The following STK24 variants were observed in gnomAD, a reference collection of about 807,000 sequenced individuals.
The protein encoded by STK24 is serine/threonine-protein kinase 24.
Under a neutral mutation model 55.6 loss-of-function variants are expected in STK24, and 21 were observed. The observed-to-expected ratio is 0.38, with a 90% CI of 0.27 to 0.54. The LOEUF is 0.54. Ranked by LOEUF, STK24 falls within the 20% of genes least tolerant of loss-of-function variation. STK24 has a pLI of 0.79. For synonymous variants in STK24, 200 were observed against 215.2 expected, an observed-to-expected ratio of 0.93 and a Z score of 0.62; for missense variants, 383 against 538.4, an observed-to-expected ratio of 0.71 and a Z score of 2.86.
At chr13:98,522,619 C>T (rs1231841471) in intron 1 of STK24, among the ~76,000 whole-genome samples, 1 of 152,194 alleles carries the variant, frequency 6.6e-6, no homozygotes, top group African/African-American at 2.4e-5. Context: ...AACATGTGTG[C>T]ACGGAATTTG....
chr13:98,499,766 C>T (rs1263804294), intron 2 of STK24, among the ~76,000 whole-genome samples: 1 of 152,230 alleles, frequency 6.6e-6, no homozygotes, highest in African/African-American at 2.4e-5. Context: ...CTGCCCAAAG[C>T]TGAGGGCAGA....
chr13:98,475,173 T>G, intron 4 of STK24, 77 bp downstream of exon 4: 1 of 1,442,068 alleles, frequency 6.9e-7, no homozygotes, highest in Non-Finnish European at 9.5e-7. Context: ...CGCCAGCACC[T>G]TCCCTTGAGA....
chr13:98,464,704 C>G (rs1006199841), intron 6 of STK24, among the ~76,000 whole-genome samples: 2 of 151,772 alleles, frequency 1.3e-5, no homozygotes, highest in African/African-American at 2.4e-5. Flanking sequence ...ACCATGTTAG[C>G]CAGGCTGGTC....
At chr13:98,575,478 G>A (rs1403304624) in intron 1 of STK24, among the ~76,000 whole-genome samples, 1 of 151,726 alleles carries the variant, frequency 6.6e-6, no homozygotes, top group African/African-American at 2.4e-5. Context: ...CATTAAAGTG[G>A]TAACTTTGAG....
At chr13:98,478,354 A>G (rs1417798566) in intron 3 of STK24, among the ~76,000 whole-genome samples, 1 of 152,216 alleles carries the variant, frequency 6.6e-6, no homozygotes, top group Non-Finnish European at 1.5e-5. Context: ...AAGAAACCAC[A>G]TTTCCCAGAC....
chr13:98,466,834 G>A (rs1450224026), intron 5 of STK24, among the ~76,000 whole-genome samples: 1 of 152,044 alleles, frequency 6.6e-6, no homozygotes, highest in Non-Finnish European at 1.5e-5. Context: ...ATTCCCCGTG[G>A]AGTCCCGGGG....
chr13:98,474,658 C>CA (rs1894295345), intron 5 of STK24, among the ~76,000 whole-genome samples, 163 bp downstream of exon 5: 3 of 152,172 alleles, frequency 2.0e-5, no homozygotes, highest in African/African-American at 7.2e-5. Flanking sequence ...CAGCAGGAGA[C>CA]AGAGGAGAAA....
At chr13:98,500,325 G>A (rs1316052182) in intron 2 of STK24, among the ~76,000 whole-genome samples, 1 of 152,140 alleles carries the variant, frequency 6.6e-6, no homozygotes, top group Non-Finnish European at 1.5e-5. Flanking sequence ...CGTTTCCTAA[G>A]GCCTCATCTT....
intron 1 of STK24, among the ~76,000 whole-genome samples, chr13:98,522,822 T>C (rs1896310171): frequency 6.6e-6 from 1 of 152,216 alleles, no homozygotes; most frequent in Admixed American, 6.5e-5. Context: ...AGACTCACCC[T>C]GGCTCGAACA....
chr13:98,517,167 A>G (rs1448698387), intron 2 of STK24, among the ~76,000 whole-genome samples: 2 of 152,234 alleles, frequency 1.3e-5, no homozygotes, highest in African/African-American at 4.8e-5. Flanking sequence ...CCTTTGCCAA[A>G]ACCATCATAA....
At chr13:98,536,944 C>T (rs1896753511) in intron 1 of STK24, among the ~76,000 whole-genome samples, 2 of 152,210 alleles carry the variant, frequency 1.3e-5, no homozygotes, top group Non-Finnish European at 2.9e-5. Context: ...GGGAAGCAGG[C>T]CCTTGTGTGC....
chr13:98,492,532 G>A (rs376205836), intron 2 of STK24, among the ~76,000 whole-genome samples: 10 of 152,216 alleles, frequency 6.6e-5, no homozygotes, highest in East Asian at 3.9e-4. Flanking sequence ...GATTTGCTCC[G>A]CACAGCCCAC....
intron 1 of STK24, among the ~76,000 whole-genome samples, chr13:98,566,558 G>A (rs902615176): frequency 2.0e-5 from 3 of 152,236 alleles, no homozygotes; most frequent in African/African-American, 7.2e-5. Flanking sequence ...CAGAGACCCT[G>A]AGGGTTCACC....
rs1366477419 is a variant in STK24 at position 98,451,108 on chromosome 13, G to C, written c.*2065C>G. Reference sequence around the variant, plus strand: ...GGCTCACCCACTGTTACTAGCATGAGACTGGCTTCAGTGCTAAAAACTGTG... The same window carrying C: ...GGCTCACCCACTGTTACTAGCATGACACTGGCTTCAGTGCTAAAAACTGTG... On this transcript the variant is annotated 3_prime_UTR_variant, in exon 11 of 11. Transcript: ENST00000539966. The C allele has an allele frequency of 6.6e-6, 1 of 152,154 alleles. No homozygotes were observed. The highest frequency in any genetic ancestry group is 6.5e-5 in the Admixed American group (1 of 15,282). The allele number at this position is 152,154 out of a possible 1,614,324, so 9.4% of individuals were successfully genotyped here.
At chr13:98,568,885 A>T (rs79966486) in intron 1 of STK24, among the ~76,000 whole-genome samples, 8,800 of 152,032 alleles carry the variant, frequency 0.058, 532 homozygotes, top group African/African-American at 0.15. Context: ...CAAAAAAGAT[A>T]AAAGAATATT....
intron 1 of STK24, among the ~76,000 whole-genome samples, chr13:98,526,385 C>T (rs1896430712): frequency 6.6e-6 from 1 of 152,160 alleles, no homozygotes; most frequent in African/African-American, 2.4e-5. Flanking sequence ...AGGAGCTTTA[C>T]ATGAACTGTC....
intron 1 of STK24, among the ~76,000 whole-genome samples, chr13:98,540,121 C>T (rs751239385): frequency 5.3e-5 from 8 of 152,208 alleles, no homozygotes; most frequent in African/African-American, 7.2e-5. Flanking sequence ...CAAAGGAACA[C>T]ATACTGTGTG....
chr13:98,561,901 C>T (rs1016211511), intron 1 of STK24, among the ~76,000 whole-genome samples: 4 of 143,418 alleles, frequency 2.8e-5, no homozygotes, highest in Admixed American at 7.5e-5. Context: ...CGCTTGAACC[C>T]GGGAGGTGGA....
intron 1 of STK24, among the ~76,000 whole-genome samples, chr13:98,534,619 T>G (rs1464473623): frequency 6.6e-6 from 1 of 152,180 alleles, no homozygotes; most frequent in East Asian, 1.9e-4. Context: ...TTGTAAAAAC[T>G]AAGATCAGTG....
Sources: gnomAD v4.1 joint callset for allele counts (sites outside exome capture counted in the v4.1 genomes callset) on GRCh38, gnomAD v4.1.1 for gene constraint, MANE v1.5 for transcripts, NCBI Gene and HGNC (gene_info 2026-07-23, HGNC 2026-07-21) for gene names.